STON2: variants seen among roughly 807,000 people sequenced by gnomAD.
STON2 encodes the protein stonin-2.
A neutral mutation model predicts 65.7 loss-of-function variants in STON2; 29 were observed. The ratio of observed to expected loss-of-function variants is 0.44; its 90% CI spans 0.33 to 0.60. STON2 has a LOEUF of 0.60. Ranked by LOEUF, STON2 falls within the 20% of genes least tolerant of loss-of-function variation. The pLI is 0.03. For missense variants in STON2, 1,054 were observed against 1,118.1 expected (o/e 0.94, Z 0.82); for synonymous variants, 404 against 414.2 (o/e 0.98, Z 0.30).
intron 4 of STON2, among the ~76,000 whole-genome samples, chr14:81,329,454 CA>C (rs56370265): frequency 0.3 from 35,994 of 118,138 alleles, 4,833 homozygotes; most frequent in East Asian, 0.51. Flanking sequence ...GACTCTGTCT[CA>C]AAAAAAAAAA....
At chr14:81,388,115 A>G (rs1346431571) in intron 3 of STON2, among the ~76,000 whole-genome samples, 1 of 150,548 alleles carries the variant, frequency 6.6e-6, no homozygotes, top group Admixed American at 6.6e-5. Flanking sequence ...ACACCCAGCT[A>G]ATTTTTGTAT....
At chr14:81,407,112 G>A (rs1320152526) in intron 2 of STON2, among the ~76,000 whole-genome samples, 5 of 152,148 alleles carry the variant, frequency 3.3e-5, no homozygotes, top group Admixed American at 2.6e-4. Context: ...CCTGTTGACC[G>A]AAGCCTGAAA....
At chr14:81,408,815 GACATC>G (rs1471772667) in intron 2 of STON2, among the ~76,000 whole-genome samples, 1 of 152,198 alleles carries the variant, frequency 6.6e-6, no homozygotes, top group Non-Finnish European at 1.5e-5. Context: ...GACCTTGACT[GACATC>G]CCCACGTACC....
rs569036703 is a variant in STON2, at chr14:81,322,042, G to A, written c.742+1975C>T. Among the ~76,000 whole-genome samples, 3 of 152,312 alleles carry A rather than the reference G, an allele frequency of 2.0e-5. No homozygotes were observed. In the South Asian group the frequency reaches 6.2e-4, roughly 32 times the overall value. The stretch of plus-strand genomic sequence containing the variant: ...CTGTTCAGCCTGCTGCGACTGGACC[G>A]TCCGTCTACATAAGTACCCCCTAAT... On this transcript the variant is annotated intron_variant, in intron 5 of 7. Transcript: ENST00000614646.
chr14:81,395,656 G>A, intron 3 of STON2: 1 of 503,162 alleles, frequency 2.0e-6, no homozygotes, highest in Non-Finnish European at 3.5e-6. Context: ...CAACAGCCAG[G>A]GACAAGAGTA....
chr14:81,299,168 T>C (rs1320606807), intron 5 of STON2, among the ~76,000 whole-genome samples: 1 of 152,252 alleles, frequency 6.6e-6, no homozygotes, highest in African/African-American at 2.4e-5. Context: ...TGCCTGGGCT[T>C]GTCTTAGGCA....
At chr14:81,420,511 C>A (rs1901653517) in intron 2 of STON2, among the ~76,000 whole-genome samples, 1 of 152,120 alleles carries the variant, frequency 6.6e-6, no homozygotes, top group Non-Finnish European at 1.5e-5. Flanking sequence ...GGACTAAGAT[C>A]CAGCACCTGC....
At chr14:81,431,998 G>A (rs1267380207) in intron 1 of STON2, among the ~76,000 whole-genome samples, 1 of 152,114 alleles carries the variant, frequency 6.6e-6, no homozygotes, top group East Asian at 1.9e-4. Context: ...ATACCCCGAT[G>A]GATAATTCTG....
In STON2 at chr14:81,277,594, C is replaced by G; in HGVS notation, c.1888G>C (p.Val630Leu). The change falls in exon 6 of 8, where the codon GTG (valine) becomes CTG (leucine). Residue 630 changes from valine to leucine, a missense_variant. Transcript: ENST00000614646. ...CCAGAGAATTCATCTCTGACATCCA[C>G]TGTAATCTCCTCTTCAAGGTAGTTG... ...GLNYLEEEIT[V>L]DVRDEFSGIV... The G allele has an allele frequency of 1.2e-6, 2 of 1,614,210 alleles. No homozygotes were observed. Among genetic ancestry groups the G allele is most frequent in the Non-Finnish European group, 1.7e-6 (2 of 1,180,040 alleles).
chr14:81,389,094 T>A (rs960348373), intron 3 of STON2, among the ~76,000 whole-genome samples: 11 of 152,056 alleles, frequency 7.2e-5, no homozygotes, highest in Admixed American at 7.2e-4. Flanking sequence ...AGACATCCGA[T>A]CAGAAAGTAT....
At chr14:81,427,551 A>ATGG in intron 1 of STON2, 1 of 152,200 alleles carries the variant, frequency 6.6e-6, no homozygotes, top group Non-Finnish European at 1.5e-5. Flanking sequence ...GATGGATGGC[A>ATGG]CAGCTGGAGG....
In STON2 at chr14:81,371,182, A is replaced by T. The variant is rs1392842313; in HGVS notation, c.377T>A (p.Leu126Gln). ...PPHQETAETA[L>Q]PLTMPCWTCP... is the part of the protein sequence containing the mutation. Reference sequence around the variant, plus strand: ...TGTCCAGCAGGGCATGGTCAATGGTAGGGCTGGGGAGAGACCAAAAACCAA... The same window carrying T: ...TGTCCAGCAGGGCATGGTCAATGGTTGGGCTGGGGAGAGACCAAAAACCAA... The change falls in exon 4 of 8, where the codon CTA becomes CAA. Residue 126 changes from leucine (L) to glutamine (Q), a missense_variant. Physicochemically the swap from Leu to Gln is moderately radical, Grantham distance 113. Transcript: ENST00000614646. The T allele has an allele frequency of 1.2e-6, 2 of 1,613,628 alleles. No individual in the cohort carries two copies. Among genetic ancestry groups the T allele is most frequent in the East Asian group, 4.5e-5 (2 of 44,884 alleles).
chr14:81,305,400 T>C (rs569285844), intron 5 of STON2, among the ~76,000 whole-genome samples: 63 of 152,374 alleles, frequency 4.1e-4, no homozygotes, highest in African/African-American at 1.5e-3. Context: ...ATTTGAGCTA[T>C]GACGGTGGGT....
At chr14:81,433,906 T>C (rs1301431115) in intron 1 of STON2, among the ~76,000 whole-genome samples, 1 of 152,182 alleles carries the variant, frequency 6.6e-6, no homozygotes, top group Non-Finnish European at 1.5e-5. Context: ...TAACAGTCCT[T>C]TTGATCACTT....
At chr14:81,424,086 G>C in intron 2 of STON2, among the ~76,000 whole-genome samples, 1 of 152,194 alleles carries the variant, frequency 6.6e-6, no homozygotes, top group Non-Finnish European at 1.5e-5. Context: ...TAAAATGTGA[G>C]CAAATGAGCA....
chr14:81,365,266 G>A (rs1014647047), intron 4 of STON2, among the ~76,000 whole-genome samples: 1 of 152,058 alleles, frequency 6.6e-6, no homozygotes, highest in African/African-American at 2.4e-5. Flanking sequence ...CTTCAGTCTC[G>A]TGAACCTGGT....
In STON2 at chr14:81,415,634, C is replaced by A. The variant is rs8011889; in HGVS notation, c.-199+11468G>T. On this transcript the variant is annotated intron_variant, in intron 2 of 8. Coordinates refer to the STON2 transcript ENST00000553821. ...GCAGTGAGCCAAGATCGCACCACTG[C>A]ACTCCAGCCTGGCAACAGAGTGAGA... Among the ~76,000 whole-genome samples the A allele has an allele frequency of 9.9e-3, 1,365 of 138,124 alleles. 15 individuals are homozygous for A. Among genetic ancestry groups the A allele is most frequent in the African/African-American group, 0.034 (1,228 of 35,684 alleles). 90.6% of individuals were successfully genotyped at this position (138,124 alleles called of 152,430 possible). A position where few individuals can be genotyped will look rare whatever the true frequency, so the allele number is the denominator to read the frequency against.
intron 4 of STON2, among the ~76,000 whole-genome samples, chr14:81,332,207 C>G (rs1897240359): frequency 6.6e-6 from 1 of 152,176 alleles, no homozygotes; most frequent in Non-Finnish European, 1.5e-5. Context: ...CCAGATCTTC[C>G]ATGGTCTCTG....
intron 4 of STON2, among the ~76,000 whole-genome samples, chr14:81,356,805 T>A (rs898947635): frequency 6.6e-6 from 1 of 152,082 alleles, no homozygotes; most frequent in Non-Finnish European, 1.5e-5. Context: ...TAGAGGTGTT[T>A]GTAGTATTCT....
Sources: allele counts gnomAD v4.1 joint callset (sites outside exome capture counted in the v4.1 genomes callset), GRCh38; gene constraint gnomAD v4.1.1; transcripts MANE v1.5; gene names NCBI Gene and HGNC (gene_info 2026-07-23, HGNC 2026-07-21).